The following GEN1 variants were observed in gnomAD, a reference collection of about 807,000 sequenced individuals.
GEN1 encodes flap endonuclease GEN homolog 1.
In GEN1, 64 loss-of-function variants were observed where a neutral mutation model predicts 67.6. The observed-to-expected ratio is 0.95, with a 90% confidence interval of 0.77 to 1.17. The LOEUF (loss-of-function observed/expected upper bound fraction) is 1.17. Among genes scored for constraint, GEN1 ranks in the 50% most tolerant of loss-of-function variants. The probability of loss-of-function intolerance (pLI) is 0.00; values close to 1 mark genes in which losing one functional copy is unlikely to be tolerated. For synonymous variants in GEN1, 371 were observed against 359.4 expected (o/e 1.03, Z -0.37); for missense variants, 1,058 against 1,048.3 (o/e 1.01, Z -0.13).
intron 6 of GEN1, 69 bp from the exon 7 acceptor site, chr2:17,771,127 T>C: frequency 1.1e-6 from 1 of 883,172 alleles, no homozygotes; most frequent in South Asian, 1.3e-5. Context: ...ATCAGCCTGA[T>C]ATTTGAGAAC....
chr2:17,781,809 G>C lies in GEN1; in HGVS notation c.2597G>C (p.Cys866Ser). 6.2e-7 allele frequency: 1 copy of C among 1,606,580 alleles called. No individual in the cohort carries two copies. The change falls in exon 14 of 14, where the codon TGT becomes TCT. Residue 866 changes from cysteine to serine, a missense_variant. Coordinates refer to ENST00000381254, the MANE Select transcript of GEN1 (RefSeq NM_001130009.3). ...GAAACAGCTGAAAATGAAGAAAGCT[G>C]TTTCCCAGATTCAACAAAAAGTTCT... Reference protein sequence around the residue: ...SYETAENEESCFPDSTKSSLS... With the variant: ...SYETAENEESSFPDSTKSSLS...
chr2:17,788,302 A>G lies in GEN1; in HGVS notation c.*6363A>G, dbSNP rs1191134302. 16 of 152,350 alleles carry G rather than the reference A, an allele frequency of 1.1e-4. No individual in the cohort carries two copies. The highest frequency in any genetic ancestry group is 9.8e-4 in the Admixed American group (15 of 15,304). 9.4% of individuals were successfully genotyped at this position (152,350 alleles called of 1,614,324 possible). A position where few individuals can be genotyped will look rare whatever the true frequency, so the allele number is the denominator to read the frequency against. ...TTAGCCTCTTTCAGGAACTTGCCAC[A>G]TTGCCTATAAACTGACATGCTGCAG... is the stretch of plus-strand genomic sequence containing the variant. On this transcript the variant is annotated 3_prime_UTR_variant, in exon 14 of 14. Coordinates refer to ENST00000381254, the MANE Select transcript of GEN1 (RefSeq NM_001130009.3).
Position 17,782,765 on chromosome 2 carries a change from A to T in GEN1, c.*826A>T, listed in dbSNP as rs1224087027. The T allele has an allele frequency of 6.6e-6, 1 of 152,092 alleles. No individual in the cohort carries two copies. Among genetic ancestry groups the T allele is most frequent in the Non-Finnish European group, 1.5e-5 (1 of 68,010 alleles). The allele number at this position is 152,092 out of a possible 1,614,324, so 9.4% of individuals were successfully genotyped here. A position where few individuals can be genotyped will look rare whatever the true frequency, so the allele number is the denominator to read the frequency against. ...TGGGAATCAGTTTTCTTGCCTGCTA[A>T]TTTTTTTATTTTTCTATTTTTTCCT... On this transcript the variant is annotated 3_prime_UTR_variant, in exon 14 of 14. Coordinates refer to ENST00000381254, the MANE Select transcript of GEN1 (RefSeq NM_001130009.3).
rs539999998 is a variant in GEN1 at position 17,765,633 on chromosome 2, C to G, written c.525+560C>G. On this transcript the variant is annotated intron_variant, in intron 4 of 13. Coordinates refer to ENST00000381254, the MANE Select transcript of GEN1 (RefSeq NM_001130009.3). ...GTGCCAACCAAACTAAACCTTCTGCCAGACATTTCTGCTATCCCTCCCGAA... is the reference window on the plus strand; with the variant it reads ...GTGCCAACCAAACTAAACCTTCTGCGAGACATTTCTGCTATCCCTCCCGAA... 4.6e-5 allele frequency among the ~76,000 whole-genome samples: 7 copies of G among 152,270 alleles called. No homozygotes were observed. The East Asian group carries it at 1.4e-3, about 29-fold the overall frequency.
Position 17,774,280 on chromosome 2 carries a change from C to T in GEN1, c.1081C>T (p.Leu361Phe), listed in dbSNP as rs200275164. ...PDLLLFQRFT[L>F]EKMEWPNHYA... ...TTTATTATATTTATAGAGATTTACT[C>T]TTGAAAAAATGGAGTGGCCCAATCA... The change falls in exon 11 of 14, where the codon CTT becomes TTT. Residue 361 changes from leucine to phenylalanine, a missense_variant. Transcript: ENST00000381254. 8.2e-5 allele frequency: 127 copies of T among 1,556,006 alleles called. No individual in the cohort carries two copies. The highest frequency in any genetic ancestry group is 3.8e-4 in the Admixed American group (21 of 55,868).
chr2:17,773,138 AT>A lies in GEN1; in HGVS notation c.990+7del. 2 of 1,580,492 alleles carry A rather than the reference AT, an allele frequency of 1.3e-6. No homozygotes were observed. Among genetic ancestry groups the A allele is most frequent in the African/African-American group, 1.3e-5 (1 of 74,200 alleles). ...AGGGATTCCCATTCCATGAGGTAAT[AT>A]CCAGTAATTCAACTCTATTAATTTT... On this transcript the variant is annotated splice_region_variant and intron_variant, in intron 9 of 13. Transcript: ENST00000381254.
chr2:17,785,926 A>T lies in GEN1; in HGVS notation c.*3987A>T, dbSNP rs1281038426. ...AAATTTAAATTAAAAAAAAATATAC[A>T]ATCTCCGTCTTCTAGATTTTATAAT... On this transcript the variant is annotated 3_prime_UTR_variant, in exon 14 of 14. Transcript: ENST00000381254. 2 of 152,118 alleles carry T rather than the reference A, an allele frequency of 1.3e-5. 1 individual carries two copies. The highest frequency in any genetic ancestry group is 1.3e-4 in the Admixed American group (2 of 15,276). The allele number at this position is 152,118 out of a possible 1,614,324, so 9.4% of individuals were successfully genotyped here.
At chr2:17,753,325 G>GGGGACGGCCGCCTGGGAT (rs1671173948), upstream of GEN1, among the ~76,000 whole-genome samples, 1 of 125,854 alleles carries the variant, frequency 7.9e-6, no homozygotes, top group Non-Finnish European at 1.7e-5. Flanking sequence ...GGGAGAGTCT[G>GGGGACGGCCGCCTGGGAT]GGGACGGCCG....
chr2:17,779,537 T>C (rs1446791105), intron 12 of GEN1, among the ~76,000 whole-genome samples: 1 of 152,054 alleles, frequency 6.6e-6, no homozygotes, highest in African/African-American at 2.4e-5. Flanking sequence ...TAAAGCAAGA[T>C]TTGCAATGAA....
At chr2:17,755,779 A>G (rs1464465314) in intron 1 of GEN1, 1 of 152,114 alleles carries the variant, frequency 6.6e-6, no homozygotes, top group Non-Finnish European at 1.5e-5. Context: ...TGACCTCTTT[A>G]TGTTCTTTAA....
rs1250937515 is a variant in GEN1 at position 17,788,453 on chromosome 2, T to C, written c.*6514T>C. ...TGTTTGGCAATGGAGGGCAGAGTTA[T>C]CAGCAAAGTAGGCTGACCCTTCTGT... On this transcript the variant is annotated 3_prime_UTR_variant, in exon 14 of 14. Coordinates refer to ENST00000381254, the MANE Select transcript of GEN1 (RefSeq NM_001130009.3). The C allele has an allele frequency of 6.6e-6, 1 of 152,240 alleles. No individual in the cohort carries two copies. The highest frequency in any genetic ancestry group is 1.5e-5 in the Non-Finnish European group (1 of 68,042). The allele number at this position is 152,240 out of a possible 1,614,324, so 9.4% of individuals were successfully genotyped here.
At chr2:17,780,596 T>C (rs1356795239) in intron 13 of GEN1, 25 bp from the exon 14 acceptor site, 1 of 1,366,432 alleles carries the variant, frequency 7.3e-7, no homozygotes, top group Non-Finnish European at 1.0e-6. Flanking sequence ...TAAATGTTGA[T>C]TATATGTATT....
At position 17,778,191 on chromosome 2, in the gene GEN1, C is replaced by CACATATGTGTATATATATGTAT. The variant is rs1558408595; in HGVS notation, c.1264+131_1264+132insTATGTGTATATATATGTATACA. The CACATATGTGTATATATATGTAT allele has an allele frequency of 6.8e-4, 276 of 403,996 alleles. 3 individuals carry two copies. The highest frequency in any genetic ancestry group is 3.5e-3 in the Admixed American group (94 of 26,816). The allele number at this position is 403,996 out of a possible 1,614,324, so 25.0% of individuals were successfully genotyped here. On this transcript the variant is annotated intron_variant, in intron 12 of 13. Transcript: ENST00000381254. The stretch of plus-strand genomic sequence containing the variant: ...AGATATGTGTATATATATATATACA[C>CACATATGTGTATATATATGTAT]ACACACATATATGTGTATATATATG...
Position 17,760,080 on chromosome 2 carries a change from G to A in GEN1, c.137G>A (p.Gly46Asp). ...GCACAGACAGTCAAAAAAATGATGG[G>A]CAGCGTCATGAAGCCCCACCTCAGG... ...CEAQTVKKMM[G>D]SVMKPHLRNL... The change falls in exon 2 of 14, where the codon GGC (glycine) becomes GAC (aspartate). Residue 46 changes from glycine to aspartate, a missense_variant. Gly to Asp is a moderately conservative substitution (Grantham distance 94). Coordinates refer to ENST00000381254, the MANE Select transcript of GEN1 (RefSeq NM_001130009.3). 1.2e-6 allele frequency: 2 copies of A among 1,613,948 alleles called. No individual in the cohort carries two copies. Among genetic ancestry groups the A allele is most frequent in the Non-Finnish European group, 1.7e-6 (2 of 1,179,940 alleles).
At chr2:17,779,354 A>C (rs546124566) in intron 12 of GEN1, among the ~76,000 whole-genome samples, 3 of 152,360 alleles carry the variant, frequency 2.0e-5, no homozygotes, top group African/African-American at 7.2e-5. Flanking sequence ...TAACTGAATT[A>C]AACCAACCAA....
At chr2:17,754,134 C>G (rs1671269537), upstream of GEN1, 1 of 152,232 alleles carries the variant, frequency 6.6e-6, no homozygotes. Flanking sequence ...CGCGCGGGCC[C>G]GGCGCTGGAT....
chr2:17,774,333 T>G lies in GEN1; in HGVS notation c.1134T>G (p.Leu378=). 6.2e-7 allele frequency: 1 copy of G among 1,605,284 alleles called. No individual in the cohort carries two copies. The highest frequency in any genetic ancestry group is 8.5e-7 in the Non-Finnish European group (1 of 1,173,606). ...NHYACEKLLV[L]LTHYDMIERK... The stretch of plus-strand genomic sequence containing the variant: ...ATGCATGTGAGAAATTGCTGGTACT[T>G]TTGACCCATTATGACATGATAGAAA... Residue 378 remains leucine, a synonymous_variant, in exon 11 of 14, where the codon CTT becomes CTG. Transcript: ENST00000381254.
chr2:17,772,867 C>T, intron 8 of GEN1, 83 bp downstream of exon 8: 1 of 1,294,230 alleles, frequency 7.7e-7, no homozygotes. Flanking sequence ...TATAATCTTT[C>T]CCCATATCTA....
In GEN1 at chr2:17,784,194, AAAG is replaced by A. The variant is rs1468980185; in HGVS notation, c.*2261_*2263del. Reference sequence around the variant, plus strand: ...AAAATAGCTCAACAGGCTTTTCTGCAAAGAAGAAATACAAATGACCAAGAAGCA... The same window carrying A: ...AAAATAGCTCAACAGGCTTTTCTGCAAAGAAATACAAATGACCAAGAAGCA... On this transcript the variant is annotated 3_prime_UTR_variant, in exon 14 of 14. Coordinates refer to ENST00000381254, the MANE Select transcript of GEN1 (RefSeq NM_001130009.3). 3 of 152,260 alleles carry A rather than the reference AAAG, an allele frequency of 2.0e-5. No homozygotes were observed. Among genetic ancestry groups the A allele is most frequent in the Non-Finnish European group, 4.4e-5 (3 of 68,052 alleles). The allele number at this position is 152,260 out of a possible 1,614,324, so 9.4% of individuals were successfully genotyped here. A position where few individuals can be genotyped will look rare whatever the true frequency, so the allele number is the denominator to read the frequency against.
Sources: allele counts gnomAD v4.1 joint callset (sites outside exome capture counted in the v4.1 genomes callset), GRCh38; gene constraint gnomAD v4.1.1; transcripts MANE v1.5; gene names NCBI Gene and HGNC (gene_info 2026-07-23, HGNC 2026-07-21).